The following MSI2 variants were observed in gnomAD, a reference collection of about 807,000 sequenced individuals.
MSI2 encodes the protein RNA-binding protein Musashi homolog 2.
In MSI2, 17 loss-of-function variants were observed where a neutral mutation model predicts 45.6. That is an observed-to-expected ratio of 0.37 (90% CI 0.26 to 0.56). MSI2 has a LOEUF of 0.56. MSI2 is among the 20% of genes least tolerant of loss of function. The pLI, the probability that MSI2 is intolerant of heterozygous loss-of-function variation, is 0.77. For synonymous variants in MSI2, 156 were observed against 158.2 expected, an observed-to-expected ratio of 0.99 and a Z score of 0.11; for missense variants, 293 against 444.2, an observed-to-expected ratio of 0.66 and a Z score of 3.06.
chr17:57,501,988 C>T (rs2086116810), intron 6 of MSI2, among the ~76,000 whole-genome samples: 1 of 152,158 alleles, frequency 6.6e-6, no homozygotes, highest in African/African-American at 2.4e-5. Flanking sequence ...GGTTGCATAG[C>T]CAGTTTCTAG....
chr17:57,519,025 G>A (rs1235480845), intron 6 of MSI2, among the ~76,000 whole-genome samples: 2 of 152,092 alleles, frequency 1.3e-5, no homozygotes, highest in African/African-American at 4.8e-5. Context: ...ACTCTCCAGG[G>A]TGGTGCTTGG....
chr17:57,574,582 C>G (rs1199198099), intron 7 of MSI2, among the ~76,000 whole-genome samples: 1 of 152,162 alleles, frequency 6.6e-6, no homozygotes, highest in Non-Finnish European at 1.5e-5. Context: ...AGGTTTCCAG[C>G]CTGGATGTGT....
chr17:57,642,738 G>A (rs1002064795), intron 10 of MSI2, among the ~76,000 whole-genome samples: 4 of 152,218 alleles, frequency 2.6e-5, no homozygotes, highest in South Asian at 2.1e-4. Context: ...AGCTTGGCCT[G>A]TAGCAAGCAC....
intron 11 of MSI2, among the ~76,000 whole-genome samples, chr17:57,658,386 C>G (rs1261080389): frequency 6.6e-6 from 1 of 152,202 alleles, no homozygotes; most frequent in Non-Finnish European, 1.5e-5. Flanking sequence ...GGATGGATAC[C>G]TCGTTTCCCA....
intron 6 of MSI2, among the ~76,000 whole-genome samples, chr17:57,403,146 C>A (rs927935125): frequency 1.3e-5 from 2 of 152,164 alleles, no homozygotes; most frequent in African/African-American, 4.8e-5. Context: ...GCCTTGGAAT[C>A]TCATGGGCCT....
At chr17:57,304,408 A>T (rs570067288) in intron 5 of MSI2, among the ~76,000 whole-genome samples, 79 of 149,896 alleles carry the variant, frequency 5.3e-4, no homozygotes, top group Middle Eastern at 3.5e-3. Context: ...GACTATCAGG[A>T]TAAAGAGTAA....
intron 7 of MSI2, among the ~76,000 whole-genome samples, chr17:57,539,044 T>C: frequency 6.6e-6 from 1 of 152,376 alleles, no homozygotes; most frequent in Admixed American, 6.5e-5. Flanking sequence ...CACACGTGCA[T>C]ATCATATGCA....
chr17:57,457,189 A>C (rs762538643), intron 6 of MSI2, among the ~76,000 whole-genome samples: 1 of 152,222 alleles, frequency 6.6e-6, no homozygotes, highest in Non-Finnish European at 1.5e-5. Context: ...CACAGCTGGG[A>C]AACCTGAACC....
intron 5 of MSI2, among the ~76,000 whole-genome samples, chr17:57,291,502 G>T (rs1273709224): frequency 6.6e-6 from 1 of 152,182 alleles, no homozygotes; most frequent in Non-Finnish European, 1.5e-5. Flanking sequence ...TAATTAAGCA[G>T]CGAGGCTTTT....
intron 6 of MSI2, among the ~76,000 whole-genome samples, chr17:57,526,356 G>GTGTGTGT (rs2086695720): frequency 3.3e-5 from 4 of 122,562 alleles, no homozygotes; most frequent in Non-Finnish European, 5.1e-5. Flanking sequence ...GATATACCTG[G>GTGTGTGT]GTGTGTGTGT....
rs148163195 is a variant in MSI2, at chr17:57,640,293, A to G, written c.728-11806A>G. ...GCCCTTGCCTCCTGCTGTCAGATTA[A>G]CCCGCCAGAGTTAAGCTCGCACTTC... On this transcript the variant is annotated intron_variant, in intron 10 of 13. Transcript: ENST00000284073. Among the ~76,000 whole-genome samples, 4 of 152,156 alleles carry G rather than the reference A, an allele frequency of 2.6e-5. No individual in the cohort carries two copies. The East Asian group carries it at 5.8e-4, about 22-fold the overall frequency.
At chr17:57,538,698 A>G (rs1009275466) in intron 7 of MSI2, among the ~76,000 whole-genome samples, 1 of 152,222 alleles carries the variant, frequency 6.6e-6, no homozygotes, top group Admixed American at 6.5e-5. Context: ...CCTAGTCTTG[A>G]AAAATAAAAC....
chr17:57,589,618 C>T (rs946404534), intron 7 of MSI2, among the ~76,000 whole-genome samples: 4 of 152,238 alleles, frequency 2.6e-5, no homozygotes, highest in Non-Finnish European at 5.9e-5. Context: ...ACGATGCAAG[C>T]ACACCACCAT....
chr17:57,587,546 C>T (rs969847836), intron 7 of MSI2, among the ~76,000 whole-genome samples: 2 of 137,480 alleles, frequency 1.5e-5, no homozygotes, highest in Non-Finnish European at 3.2e-5. Flanking sequence ...TCACTCCCCG[C>T]CCCCCACCCA....
At chr17:57,383,082 G>A (rs908844834) in intron 5 of MSI2, among the ~76,000 whole-genome samples, 12 of 152,210 alleles carry the variant, frequency 7.9e-5, no homozygotes, top group Admixed American at 3.9e-4. Flanking sequence ...TGTGTCCAGG[G>A]AGAGGAATGC....
intron 6 of MSI2, among the ~76,000 whole-genome samples, chr17:57,474,819 A>C (rs1190578464): frequency 1.3e-5 from 2 of 152,040 alleles, no homozygotes; most frequent in Admixed American, 1.3e-4. Flanking sequence ...CCTAAGTTCA[A>C]GTGATTCTTC....
chr17:57,292,908 A>G (rs1201134247), intron 5 of MSI2, among the ~76,000 whole-genome samples: 1 of 152,152 alleles, frequency 6.6e-6, no homozygotes, highest in African/African-American at 2.4e-5. Context: ...AAAACCCGCT[A>G]GACGAAAACC....
intron 8 of MSI2, among the ~76,000 whole-genome samples, chr17:57,610,134 G>A (rs1027894054): frequency 2.6e-5 from 4 of 152,036 alleles, no homozygotes; most frequent in Non-Finnish European, 4.4e-5. Context: ...TTTATGAAAC[G>A]CATACCAACT....
intron 7 of MSI2, among the ~76,000 whole-genome samples, chr17:57,542,843 GGGTGACTA>G (rs2087080975): frequency 6.6e-6 from 1 of 152,196 alleles, no homozygotes. Context: ...GGCCCTTCGT[GGGTGACTA>G]GGTCAGCTCC....
Sources: allele counts gnomAD v4.1 joint callset (sites outside exome capture counted in the v4.1 genomes callset), GRCh38; gene constraint gnomAD v4.1.1; transcripts MANE v1.5; gene names NCBI Gene and HGNC (gene_info 2026-07-23, HGNC 2026-07-21).